The following KCNIP4 variants were observed in gnomAD, a reference collection of about 807,000 sequenced individuals.
KCNIP4 encodes Kv channel-interacting protein 4.
A neutral mutation model predicts 34.0 loss-of-function variants in KCNIP4; 12 were observed. The observed-to-expected ratio is 0.35, with a 90% CI of 0.23 to 0.57. KCNIP4 has a LOEUF of 0.57. KCNIP4 is among the 20% of genes least tolerant of loss of function. KCNIP4 has a pLI of 0.83. For missense variants in KCNIP4, 238 were observed against 311.7 expected (o/e 0.76, Z 1.78); for synonymous variants, 124 against 102.2 (o/e 1.21, Z -1.29).
intron 1 of KCNIP4, among the ~76,000 whole-genome samples, chr4:21,684,810 C>T (rs2109030515): frequency 6.6e-6 from 1 of 152,128 alleles, no homozygotes; most frequent in East Asian, 1.9e-4. Flanking sequence ...TAATGCTATC[C>T]CTCCCCTCTC....
At chr4:21,941,568 C>T (rs1163910440) in intron 1 of KCNIP4, among the ~76,000 whole-genome samples, 1 of 150,870 alleles carries the variant, frequency 6.6e-6, no homozygotes, top group Non-Finnish European at 1.5e-5. Context: ...CAAAAGGGGA[C>T]ATTTCCCTAA....
At chr4:21,756,995 G>T (rs1203271178) in intron 1 of KCNIP4, among the ~76,000 whole-genome samples, 1 of 151,340 alleles carries the variant, frequency 6.6e-6, no homozygotes, top group Non-Finnish European at 1.5e-5. Flanking sequence ...TACTTGGGAG[G>T]CTGAGGCAGC....
chr4:21,090,831 G>GA (rs1219553677), intron 1 of KCNIP4, among the ~76,000 whole-genome samples: 2 of 152,014 alleles, frequency 1.3e-5, no homozygotes, highest in Admixed American at 6.6e-5. Flanking sequence ...ACACGTTTGT[G>GA]AAAAAAATTA....
intron 1 of KCNIP4, among the ~76,000 whole-genome samples, chr4:21,471,250 C>T (rs767589806): frequency 1.3e-5 from 2 of 152,124 alleles, no homozygotes; most frequent in Non-Finnish European, 2.9e-5. Context: ...CCTAGGCCCA[C>T]TGAAAAATGC....
chr4:21,869,305 C>T (rs1725621006), intron 1 of KCNIP4, among the ~76,000 whole-genome samples: 1 of 152,168 alleles, frequency 6.6e-6, no homozygotes, highest in South Asian at 2.1e-4. Flanking sequence ...TGGAGAACTC[C>T]TTTTCCTTTA....
chr4:20,789,242 T>C (rs1477758988), intron 3 of KCNIP4, among the ~76,000 whole-genome samples: 3 of 152,162 alleles, frequency 2.0e-5, no homozygotes, highest in African/African-American at 7.2e-5. Context: ...TTTTAGTAAA[T>C]GTCACCAACA....
rs147454993 is a variant in KCNIP4 at position 20,918,843 on chromosome 4, G to A, written c.62-36134C>T. ...AATATCCACAAGGGAAGTCTAGAGA[G>A]TTAGGAAAACCAAATCTGTGAGCAA... On this transcript the variant is annotated intron_variant, in intron 1 of 8. Transcript: ENST00000382152. Among the ~76,000 whole-genome samples, 533 of 152,310 alleles carry A rather than the reference G, an allele frequency of 3.5e-3. 6 individuals carry two copies. Among genetic ancestry groups the A allele is most frequent in the African/African-American group, 0.012 (512 of 41,574 alleles).
chr4:21,484,561 T>G (rs1056066830), intron 1 of KCNIP4, among the ~76,000 whole-genome samples: 6 of 152,198 alleles, frequency 3.9e-5, no homozygotes, highest in African/African-American at 1.4e-4. Context: ...AGGCATACAC[T>G]GTGCAACCTG....
chr4:21,293,454 C>A (rs572348791), intron 1 of KCNIP4, among the ~76,000 whole-genome samples: 1 of 152,132 alleles, frequency 6.6e-6, no homozygotes, highest in Non-Finnish European at 1.5e-5. Flanking sequence ...GCCAATCCTT[C>A]GGGAAATAGG....
intron 1 of KCNIP4, among the ~76,000 whole-genome samples, chr4:21,684,946 T>A (rs939847270): frequency 5.3e-5 from 8 of 151,974 alleles, no homozygotes; most frequent in African/African-American, 1.9e-4. Flanking sequence ...AATTAAGGAG[T>A]TTAGACTCAA....
intron 1 of KCNIP4, among the ~76,000 whole-genome samples, chr4:21,014,857 C>A (rs79906401): frequency 6.6e-6 from 1 of 152,062 alleles, no homozygotes; most frequent in Non-Finnish European, 1.5e-5. Flanking sequence ...GTGGAAACAA[C>A]GCCAATGTCC....
chr4:21,661,151 G>A lies in KCNIP4; in HGVS notation c.61+287420C>T, dbSNP rs570009851. On this transcript the variant is annotated intron_variant, in intron 1 of 8. Coordinates refer to ENST00000382152, the MANE Select transcript of KCNIP4 (RefSeq NM_025221.6). ...CAGGCAAGGACATCAGCCACGGGACGGCTGAACTCAGGGGAACATCATCTG... is the reference window on the plus strand; with the variant it reads ...CAGGCAAGGACATCAGCCACGGGACAGCTGAACTCAGGGGAACATCATCTG... Among the ~76,000 whole-genome samples, 9 of 152,182 alleles carry A rather than the reference G, an allele frequency of 5.9e-5. No homozygotes were observed. The South Asian group carries it at 1.2e-3, about 21-fold the overall frequency.
intron 1 of KCNIP4, among the ~76,000 whole-genome samples, chr4:21,064,706 G>T (rs1310159794): frequency 6.6e-6 from 1 of 152,108 alleles, no homozygotes; most frequent in Non-Finnish European, 1.5e-5. Context: ...TACTTATTGA[G>T]TGCTATTCAA....
intron 1 of KCNIP4, among the ~76,000 whole-genome samples, chr4:21,507,685 G>A (rs1733965164): frequency 6.6e-6 from 1 of 152,180 alleles, no homozygotes; most frequent in African/African-American, 2.4e-5. Context: ...TTCTTAAAAT[G>A]ATGCAGTCAA....
intron 1 of KCNIP4, among the ~76,000 whole-genome samples, chr4:21,541,854 G>T (rs2108999838): frequency 1.3e-5 from 2 of 151,738 alleles, no homozygotes; most frequent in Middle Eastern, 6.8e-3. Context: ...TGTTGCTCAG[G>T]CTCATCTTCA....
chr4:21,106,161 A>C (rs956633848), intron 1 of KCNIP4, among the ~76,000 whole-genome samples: 1 of 151,602 alleles, frequency 6.6e-6, no homozygotes, highest in Admixed American at 6.6e-5. Flanking sequence ...GAATAGTTTC[A>C]GAAGGAATGG....
chr4:21,421,771 G>T (rs1348094608), intron 1 of KCNIP4, among the ~76,000 whole-genome samples: 1 of 152,108 alleles, frequency 6.6e-6, no homozygotes, highest in Non-Finnish European at 1.5e-5. Context: ...TACACAAAAA[G>T]ATAAATATGA....
intron 1 of KCNIP4, among the ~76,000 whole-genome samples, chr4:21,811,170 C>A (rs1453454283): frequency 1.3e-5 from 2 of 152,156 alleles, no homozygotes; most frequent in East Asian, 3.9e-4. Context: ...TAGTAAACAG[C>A]AACACATTTC....
intron 1 of KCNIP4, among the ~76,000 whole-genome samples, chr4:20,971,648 G>A (rs1431594892): frequency 6.6e-6 from 1 of 152,196 alleles, no homozygotes; most frequent in East Asian, 1.9e-4. Flanking sequence ...AAAAAGATTA[G>A]CAAGTATAAT....
Sources: allele counts gnomAD v4.1 joint callset (sites outside exome capture counted in the v4.1 genomes callset), GRCh38; gene constraint gnomAD v4.1.1; transcripts MANE v1.5; gene names NCBI Gene and HGNC (gene_info 2026-07-23, HGNC 2026-07-21).